SLC2A1: variants seen among roughly 807,000 people sequenced by gnomAD.
SLC2A1 encodes solute carrier family 2 member 1, also known as solute carrier family 2, facilitated glucose transporter member 1.
In SLC2A1, 4 loss-of-function variants were observed where a neutral mutation model predicts 46.6. The ratio of observed to expected loss-of-function variants is 0.09; its 90% confidence interval spans 0.04 to 0.20. The LOEUF (loss-of-function observed/expected upper bound fraction) is 0.20, where lower values mean the gene tolerates loss of function less well. Ranked by LOEUF, SLC2A1 falls within the 10% of genes least tolerant of loss-of-function variation. SLC2A1 has a pLI of 1.00. For synonymous variants in SLC2A1, 253 were observed against 270.0 expected (o/e 0.94, Z 0.62); for missense variants, 352 against 667.0 (o/e 0.53, Z 5.20).
chr1:42,935,541 G>A (rs146277929), intron 2 of SLC2A1, among the ~76,000 whole-genome samples: 154 of 152,320 alleles, frequency 1.0e-3, no homozygotes, highest in African/African-American at 3.4e-3. Context: ...CACCACTTTC[G>A]GAGGAGCCTT....
In SLC2A1 at chr1:42,930,538, A is replaced by G. The variant is rs914434192; in HGVS notation, c.516+88T>C. The G allele has an allele frequency of 3.8e-6, 6 of 1,566,234 alleles. No individual in the cohort carries two copies. In the African/African-American group the frequency reaches 8.1e-5, roughly 21 times the overall value. ...AGGCTGTGGGGGCTGGGCGGAAGAG[A>G]AACTCTGCCCTGCTGGGCACAGATC... On this transcript the variant is annotated intron_variant, in intron 4 of 9. Coordinates refer to ENST00000426263, the MANE Select transcript of SLC2A1 (RefSeq NM_006516.4). This position sits in a 1 kb window ranked among gnomAD's most constrained non-coding sequence, Gnocchi z 6.2.
chr1:42,929,764 G>C lies in SLC2A1; in HGVS notation c.696C>G (p.Arg232=). 1 of 1,614,208 alleles carries C rather than the reference G, an allele frequency of 6.2e-7. No homozygotes were observed. The highest frequency in any genetic ancestry group is 8.5e-7 in the Non-Finnish European group (1 of 1,180,040). ...NRAKSVLKKL[R]GTADVTHDLQ... ...GGTCATGGGTCACGTCAGCTGTCCC[G>C]CGCAGCTTCTTTAGCACTGGGGGGA... Residue 232 remains arginine, a synonymous_variant, in exon 6 of 10, where the codon CGC becomes CGG. Transcript: ENST00000426263. This position sits in a 1 kb window ranked among gnomAD's most constrained non-coding sequence, Gnocchi z 6.0.
chr1:42,928,000 G>A lies in SLC2A1; in HGVS notation c.1075-192C>T, dbSNP rs976360627. Reference sequence around the variant, plus strand: ...GAACAAAATGATTTAAGTCCTGCAGGGTGGCTGCAAGTGTTGAGTCCACCC... The same window carrying A: ...GAACAAAATGATTTAAGTCCTGCAGAGTGGCTGCAAGTGTTGAGTCCACCC... On this transcript the variant is annotated intron_variant, in intron 8 of 9. Transcript: ENST00000426263. The surrounding 1 kb of genome is among the most constrained non-coding windows in gnomAD (Gnocchi z 5.3). Among the ~76,000 whole-genome samples, 1 of 152,194 alleles carries A rather than the reference G, an allele frequency of 6.6e-6. No homozygotes were observed. The highest frequency in any genetic ancestry group is 1.5e-5 in the Non-Finnish European group (1 of 68,040).
At chr1:42,937,701 A>C (rs1370467039) in intron 2 of SLC2A1, among the ~76,000 whole-genome samples, 2 of 152,222 alleles carry the variant, frequency 1.3e-5, no homozygotes, top group African/African-American at 4.8e-5. Flanking sequence ...CTGAATTACT[A>C]TTTCTAGAGT....
chr1:42,933,633 C>T (rs182081869), intron 2 of SLC2A1, among the ~76,000 whole-genome samples: 3 of 151,984 alleles, frequency 2.0e-5, no homozygotes, highest in Admixed American at 2.0e-4. Context: ...CGAAACTAAC[C>T]CCAGAGGAGG....
rs1430845875 is a variant in SLC2A1, at chr1:42,930,412, G to A, written c.516+214C>T. The A allele has an allele frequency of 1.3e-6, 1 of 752,522 alleles. No homozygotes were observed. The highest frequency in any genetic ancestry group is 1.5e-5 in the South Asian group (1 of 66,408). The allele number at this position is 752,522 out of a possible 1,614,324, so 46.6% of individuals were successfully genotyped here. On this transcript the variant is annotated intron_variant, in intron 4 of 9. Transcript: ENST00000426263. The surrounding 1 kb of genome is among the most constrained non-coding windows in gnomAD (Gnocchi z 6.2). ...CGGGCCCTGTGGTTGGAAGCCTAGA[G>A]TGAGAAGAAAGGGACTGAGAAGAGT...
chr1:42,936,131 C>A (rs560842803), intron 2 of SLC2A1, among the ~76,000 whole-genome samples: 1 of 152,234 alleles, frequency 6.6e-6, no homozygotes, highest in Non-Finnish European at 1.5e-5. Context: ...CATTCCTTTA[C>A]CCCAGGAGGA....
intron 1 of SLC2A1, among the ~76,000 whole-genome samples, chr1:42,956,546 T>C (rs1643778670): frequency 1.3e-5 from 2 of 151,508 alleles, no homozygotes; most frequent in Non-Finnish European, 2.9e-5. Flanking sequence ...GATCGCGCCA[T>C]TGCACTCCAG....
At chr1:42,949,001 G>A (rs1389812985) in intron 1 of SLC2A1, among the ~76,000 whole-genome samples, 1 of 151,196 alleles carries the variant, frequency 6.6e-6, no homozygotes, top group Non-Finnish European at 1.5e-5. Context: ...CCAGGAGGCA[G>A]AGCTTGCAGT....
intron 2 of SLC2A1, among the ~76,000 whole-genome samples, chr1:42,938,216 G>A (rs1406855943): frequency 2.1e-5 from 2 of 93,640 alleles, no homozygotes; most frequent in Non-Finnish European, 4.4e-5. Context: ...CTCTGTGGCT[G>A]GGCTCACCTC....
chr1:42,928,955 T>C lies in SLC2A1; in HGVS notation c.1051A>G (p.Met351Val). 3 of 1,613,958 alleles carry C rather than the reference T, an allele frequency of 1.9e-6. No individual in the cohort carries two copies. Among genetic ancestry groups the C allele is most frequent in the Non-Finnish European group, 2.5e-6 (3 of 1,179,980 alleles). The change falls in exon 8 of 10, where the codon ATG (methionine) becomes GTG (valine). Residue 351 changes from methionine (M) to valine (V), a missense_variant. Met to Val is a conservative substitution (Grantham distance 21). Coordinates refer to ENST00000426263, the MANE Select transcript of SLC2A1 (RefSeq NM_006516.4). ...LAGMAGCAILMTIALALLEQL... is the reference protein window; with the variant it reads ...LAGMAGCAILVTIALALLEQL... The stretch of plus-strand genomic sequence containing the variant: ...ACCAGCAGTGCTAGCGCGATGGTCA[T>C]GAGTATGGCACAACCCGCCATGCCA...
Position 42,947,581 on chromosome 1 carries a change from CAAAAAA to C in SLC2A1, c.19-4266_19-4261del, listed in dbSNP as rs144784155. Among the ~76,000 whole-genome samples the C allele has an allele frequency of 1.4e-3, 79 of 55,828 alleles. 1 individual carries two copies. The highest frequency in any genetic ancestry group is 4.4e-3 in the East Asian group (8 of 1,816). 36.6% of individuals were successfully genotyped at this position (55,828 alleles called of 152,430 possible). A position where few individuals can be genotyped will look rare whatever the true frequency, so the allele number is the denominator to read the frequency against. ...TACTAAAATTACACACACACACACA[CAAAAAA>C]AAAAAAAAAAAAAAAAAAACAGCTG... is the stretch of plus-strand genomic sequence containing the variant. On this transcript the variant is annotated intron_variant, in intron 1 of 9. Coordinates refer to ENST00000426263, the MANE Select transcript of SLC2A1 (RefSeq NM_006516.4).
At position 42,940,329 on chromosome 1, in the gene SLC2A1, TGGAGA is replaced by T. The variant is rs543720386; in HGVS notation, c.114+2892_114+2896del. ...ATCGCCTCTTCTGCATTCAGCAATG[TGGAGA>T]GGCTTGCCCAGTTCAACCCCTGGGG... On this transcript the variant is annotated intron_variant, in intron 2 of 9. Transcript: ENST00000426263. 2.5e-3 allele frequency among the ~76,000 whole-genome samples: 384 copies of T among 152,322 alleles called. 2 individuals carry two copies. Among genetic ancestry groups the T allele is most frequent in the African/African-American group, 8.8e-3 (366 of 41,576 alleles).
At chr1:42,934,488 C>T (rs2124454016) in intron 2 of SLC2A1, among the ~76,000 whole-genome samples, 1 of 152,314 alleles carries the variant, frequency 6.6e-6, no homozygotes, top group African/African-American at 2.4e-5. Context: ...TCTGTGCCCT[C>T]TCCTCCCTGG....
At chr1:42,942,833 A>G (rs1643611735) in intron 2 of SLC2A1, 3 of 323,674 alleles carry the variant, frequency 9.3e-6, no homozygotes, top group South Asian at 7.7e-5. Context: ...ACAGTGCTGC[A>G]GTGAGCATCA....
rs767037143 is a variant in SLC2A1, at chr1:42,927,140, G to A, written c.1380C>T (p.Phe460=). The stretch of plus-strand genomic sequence containing the variant: ...GCCGGAAGCCGGAAGCGATCTCATC[G>A]AAGGTCCGGCCTTTAGTCTCAGGAA... The part of the protein sequence containing the change: ...FKVPETKGRT[F]DEIASGFRQG... Residue 460 remains phenylalanine, a synonymous_variant, in exon 10 of 10, where the codon TTC becomes TTT. Coordinates refer to ENST00000426263, the MANE Select transcript of SLC2A1 (RefSeq NM_006516.4). This position sits in a 1 kb window ranked among gnomAD's most constrained non-coding sequence, Gnocchi z 5.3. The A allele has an allele frequency of 3.7e-6, 6 of 1,614,164 alleles. No individual in the cohort carries two copies. Among genetic ancestry groups the A allele is most frequent in the East Asian group, 2.2e-5 (1 of 44,878 alleles).
intron 1 of SLC2A1, chr1:42,952,313 C>G: frequency 2.2e-6 from 1 of 459,842 alleles, no homozygotes; most frequent in Non-Finnish European, 4.4e-6. Context: ...CTGTGTCCCC[C>G]ACAGTGCTGA....
At chr1:42,952,953 G>A (rs1267773874) in intron 1 of SLC2A1, among the ~76,000 whole-genome samples, 2 of 152,204 alleles carry the variant, frequency 1.3e-5, no homozygotes, top group Non-Finnish European at 2.9e-5. Context: ...GAGCCTCAGT[G>A]CCGCTGACCC....
Position 42,958,640 on chromosome 1 carries a change from G to A in SLC2A1, c.12C>T (p.Ser4=), listed in dbSNP as rs1295646319. 10 of 1,532,702 alleles carry A rather than the reference G, an allele frequency of 6.5e-6. No individual in the cohort carries two copies. In the South Asian group the frequency reaches 9.6e-5, roughly 15 times the overall value. 94.9% of individuals were successfully genotyped at this position (1,532,702 alleles called of 1,614,324 possible). MEP[S]SKKLTGRLML... ...CCGCGGGCGCGCGACTCACCTTGCT[G>A]CTGGGCTCCATGGCAGCGCTGCGCT... The change falls in exon 1 of 10, where the codon AGC becomes AGT. Residue 4 remains serine, a synonymous_variant. Transcript: ENST00000426263.
Sources: gnomAD v4.1 joint callset for allele counts (sites outside exome capture counted in the v4.1 genomes callset) on GRCh38, gnomAD v4.1.1 for gene constraint, Gnocchi (gnomAD v3.1) non-coding constraint, MANE v1.5 for transcripts, NCBI Gene and HGNC (gene_info 2026-07-23, HGNC 2026-07-21) for gene names.